Variants in SCRN3 observed in about 807,000 individuals in gnomAD.
SCRN3 encodes secernin 3.
SCRN3 carries 39 observed loss-of-function variants against 43.1 expected under a neutral mutation model. The ratio of observed to expected loss-of-function variants is 0.91; its 90% CI spans 0.70 to 1.18. The LOEUF is 1.18. SCRN3 is among the 50% of genes most tolerant of loss of function. SCRN3 has a pLI of 0.00. For synonymous variants in SCRN3, 147 were observed against 163.1 expected (o/e 0.90, Z 0.75); for missense variants, 484 against 498.0 (o/e 0.97, Z 0.27).
At chr2:174,402,661 C>T (rs984236511) in intron 4 of SCRN3, among the ~76,000 whole-genome samples, 12 of 151,992 alleles carry the variant, frequency 7.9e-5, no homozygotes, top group Non-Finnish European at 4.4e-5. Context: ...TGTACTCTAG[C>T]CTGGGCGAGA....
chr2:174,403,066 A>G (rs1685561206), intron 4 of SCRN3, among the ~76,000 whole-genome samples: 1 of 147,876 alleles, frequency 6.8e-6, no homozygotes, highest in Non-Finnish European at 1.5e-5. Flanking sequence ...ATATATAAAG[A>G]GCAGTCAAAA....
chr2:174,401,150 G>A lies in SCRN3; in HGVS notation c.502G>A (p.Glu168Lys), dbSNP rs767148757. ...IADRNEAWIL[E>K]TAGKYWAAEK... ...TGATAGGAATGAAGCCTGGATTCTG[G>A]AGACTGCAGGGAAGTACTGGGCAGC... Residue 168 changes from glutamate to lysine, a missense_variant, in exon 4 of 8, where the codon GAG becomes AAG. Physicochemically the swap from Glu to Lys is moderately conservative, Grantham distance 56. Coordinates refer to ENST00000272732, the MANE Select transcript of SCRN3 (RefSeq NM_024583.5). 11 of 1,613,786 alleles carry A rather than the reference G, an allele frequency of 6.8e-6. No homozygotes were observed. In the South Asian group the frequency reaches 7.7e-5, roughly 11 times the overall value.
intron 7 of SCRN3, among the ~76,000 whole-genome samples, chr2:174,426,413 C>T (rs891984345): frequency 6.6e-6 from 1 of 152,140 alleles, no homozygotes; most frequent in Admixed American, 6.5e-5. Flanking sequence ...CAATTTCATA[C>T]TGAAGTCCAT....
chr2:174,421,448 G>T (rs573655427), intron 5 of SCRN3, among the ~76,000 whole-genome samples: 1 of 152,302 alleles, frequency 6.6e-6, no homozygotes, highest in East Asian at 1.9e-4. Context: ...AGTCTATTGT[G>T]CATGGATTTC....
At chr2:174,397,687 C>T (rs1472805968) in intron 1 of SCRN3, among the ~76,000 whole-genome samples, 1 of 152,144 alleles carries the variant, frequency 6.6e-6, no homozygotes, top group Non-Finnish European at 1.5e-5. Flanking sequence ...TACTCCCAGC[C>T]CTCAAGGATC....
At chr2:174,413,881 G>C (rs1365584594) in intron 5 of SCRN3, among the ~76,000 whole-genome samples, 1 of 150,874 alleles carries the variant, frequency 6.6e-6, no homozygotes, top group Non-Finnish European at 1.5e-5. Flanking sequence ...GTGAGCCACC[G>C]CACCCAGCCT....
intron 6 of SCRN3, 91 bp from the exon 7 acceptor site, chr2:174,424,384 C>T (rs1686406420): frequency 2.1e-6 from 2 of 941,664 alleles, no homozygotes; most frequent in East Asian, 2.7e-5. Context: ...TTAACAGAAA[C>T]TTCTAATTGA....
At position 174,418,036 on chromosome 2, in the gene SCRN3, G is replaced by A. The variant is rs539335911; in HGVS notation, c.755-4849G>A. The stretch of plus-strand genomic sequence containing the variant: ...AGAACAACAATGCATAATCAAGATG[G>A]AGAGGAAAATGCCAAGAATTCTAAG... On this transcript the variant is annotated intron_variant, in intron 5 of 7. Transcript: ENST00000272732. Among the ~76,000 whole-genome samples the A allele has an allele frequency of 5.9e-5, 9 of 152,268 alleles. No homozygotes were observed. In the East Asian group the frequency reaches 1.7e-3, roughly 29 times the overall value.
chr2:174,395,927 G>C, intron 1 of SCRN3, 110 bp downstream of exon 1: 3 of 1,411,128 alleles, frequency 2.1e-6, no homozygotes, highest in Non-Finnish European at 2.8e-6. Context: ...CAGCTGCACC[G>C]GCTGCGGTTT....
chr2:174,419,062 A>T (rs973377497), intron 5 of SCRN3, among the ~76,000 whole-genome samples: 13 of 152,206 alleles, frequency 8.5e-5, no homozygotes, highest in African/African-American at 3.1e-4. Context: ...TTTTATATGG[A>T]AGTCAGTTTT....
intron 5 of SCRN3, among the ~76,000 whole-genome samples, chr2:174,409,676 C>G (rs1685828529): frequency 7.3e-6 from 1 of 137,548 alleles, no homozygotes; most frequent in Non-Finnish European, 1.6e-5. Context: ...TTCCTTCTAA[C>G]AGACAGGACC....
Position 174,422,920 on chromosome 2 carries a change from C to A in SCRN3, c.790C>A (p.Arg264=). 6.2e-7 allele frequency: 1 copy of A among 1,609,700 alleles called. No homozygotes were observed. Among genetic ancestry groups the A allele is most frequent in the Non-Finnish European group, 8.5e-7 (1 of 1,176,428 alleles). Residue 264 remains arginine, a synonymous_variant, in exon 6 of 8, where the codon CGA becomes AGA. Coordinates refer to ENST00000272732, the MANE Select transcript of SCRN3 (RefSeq NM_024583.5). ...ITFETMMEIL[R]DKPSGINMEG... ...TTTTGAAACAATGATGGAAATTCTTCGAGATAAACCAAGTGGCATTAATAT... is the reference window on the plus strand; with the variant it reads ...TTTTGAAACAATGATGGAAATTCTTAGAGATAAACCAAGTGGCATTAATAT...
rs115680557 is a variant in SCRN3 at position 174,416,320 on chromosome 2, A to T, written c.755-6565A>T. Reference sequence around the variant, plus strand: ...ATACTTTGGTGGCAGAATGGACAGGACTTAATTAATTAGAGTGAAGGTTAG... The same window carrying T: ...ATACTTTGGTGGCAGAATGGACAGGTCTTAATTAATTAGAGTGAAGGTTAG... On this transcript the variant is annotated intron_variant, in intron 5 of 7. Coordinates refer to ENST00000272732, the MANE Select transcript of SCRN3 (RefSeq NM_024583.5). Among the ~76,000 whole-genome samples the T allele has an allele frequency of 3.2e-4, 49 of 152,336 alleles. 1 individual carries two copies. Among genetic ancestry groups the T allele is most frequent in the African/African-American group, 1.1e-3 (45 of 41,576 alleles).
chr2:174,396,697 T>C (rs13009735), intron 1 of SCRN3, among the ~76,000 whole-genome samples: 29,737 of 151,062 alleles, frequency 0.2, 3,346 homozygotes, highest in Middle Eastern at 0.37. Flanking sequence ...ACTCGGGAGG[T>C]TGAGGCAGGA....
intron 5 of SCRN3, among the ~76,000 whole-genome samples, chr2:174,419,671 A>G (rs2105615786): frequency 6.6e-6 from 1 of 152,296 alleles, no homozygotes; most frequent in Middle Eastern, 3.4e-3. Flanking sequence ...TTACAGGCAT[A>G]AGCCAGCTTG....
At chr2:174,405,960 T>G (rs1199101922) in intron 5 of SCRN3, among the ~76,000 whole-genome samples, 3 of 140,080 alleles carry the variant, frequency 2.1e-5, no homozygotes, top group African/African-American at 7.5e-5. Context: ...TGGTTCCATA[T>G]GAACTTTAAA....
chr2:174,395,913 A>G, intron 1 of SCRN3, 96 bp downstream of exon 1: 1 of 1,423,646 alleles, frequency 7.0e-7, no homozygotes, highest in South Asian at 1.5e-5. Context: ...GGGGCTCCGG[A>G]GCCCAGCTGC....
intron 2 of SCRN3, among the ~76,000 whole-genome samples, chr2:174,398,940 A>C (rs3396): frequency 0.19 from 29,614 of 152,146 alleles, 3,374 homozygotes; most frequent in Middle Eastern, 0.37. Context: ...GATGTAGAAT[A>C]GGAAAGTCAT....
At chr2:174,406,634 T>C (rs1407807303) in intron 5 of SCRN3, among the ~76,000 whole-genome samples, 1 of 149,646 alleles carries the variant, frequency 6.7e-6, no homozygotes, top group African/African-American at 2.4e-5. Flanking sequence ...ATATGTCCCA[T>C]CAATACCTAA....
Sources: allele counts gnomAD v4.1 joint callset (sites outside exome capture counted in the v4.1 genomes callset), GRCh38; gene constraint gnomAD v4.1.1; transcripts MANE v1.5; gene names NCBI Gene and HGNC (gene_info 2026-07-23, HGNC 2026-07-21).